The following ZNG1A variants were observed in gnomAD, a reference collection of about 807,000 sequenced individuals.
ZNG1A encodes the protein zinc-regulated GTPase metalloprotein activator 1A.
the ZNG1A span, among the ~76,000 whole-genome samples, chr9:145,490 T>G: frequency 7.2e-6 from 1 of 138,938 alleles, no homozygotes; most frequent in Non-Finnish European, 1.5e-5. Flanking sequence ...TAGGTGGGAA[T>G]TGAACAATGA....
chr9:151,368 T>G, the ZNG1A span: 5 of 979,138 alleles, frequency 5.1e-6, no homozygotes, highest in African/African-American at 1.9e-5. Context: ...GGAACTAGAC[T>G]GCCAGCTGTG....
the ZNG1A span, among the ~76,000 whole-genome samples, chr9:139,816 G>A: frequency 2.0e-5 from 3 of 151,588 alleles, no homozygotes; most frequent in African/African-American, 4.9e-5. Flanking sequence ...CACCATCCGC[G>A]AGCCGAAGCA....
At chr9:149,656 T>A in the ZNG1A span, among the ~76,000 whole-genome samples, 6 of 150,364 alleles carry the variant, frequency 4.0e-5, no homozygotes, top group African/African-American at 1.5e-4. Flanking sequence ...ACTGATCTCC[T>A]TAAAGGCAGA....
chr9:145,793 A>G, the ZNG1A span, among the ~76,000 whole-genome samples: 12 of 152,034 alleles, frequency 7.9e-5, no homozygotes, highest in Non-Finnish European at 1.3e-4. Context: ...CTAAGCTAAA[A>G]TTTTCTATGT....
chr9:177,865 C>T, the ZNG1A span: 2 of 1,407,754 alleles, frequency 1.4e-6, no homozygotes, highest in African/African-American at 3.0e-5. Flanking sequence ...AAATTACTTC[C>T]GAGCAAAAAA....
chr9:140,675 A>G, the ZNG1A span, among the ~76,000 whole-genome samples: 1 of 152,122 alleles, frequency 6.6e-6, no homozygotes, highest in Non-Finnish European at 1.5e-5. Flanking sequence ...CCAGCAACGG[A>G]ACAAAGCTGG....
the ZNG1A span, among the ~76,000 whole-genome samples, chr9:140,717 A>G: frequency 6.6e-6 from 1 of 152,134 alleles, no homozygotes; most frequent in Non-Finnish European, 1.5e-5. Context: ...CTGAGAGAAG[A>G]AGGCTTCAGA....
chr9:171,694 T>C, the ZNG1A span: 1 of 261,986 alleles, frequency 3.8e-6, no homozygotes, highest in Non-Finnish European at 7.4e-6. Flanking sequence ...TGTAAGGGAC[T>C]TGAACATTAA....
At chr9:177,587 A>G in the ZNG1A span, 2 of 1,510,360 alleles carry the variant, frequency 1.3e-6, no homozygotes, top group Non-Finnish European at 1.8e-6. Context: ...AGTAGAAGCC[A>G]AAAGAACAGC....
the ZNG1A span, chr9:151,249 A>G: frequency 1.0e-6 from 1 of 982,302 alleles, no homozygotes; most frequent in Non-Finnish European, 1.2e-6. Flanking sequence ...ACTGCCTAAC[A>G]CTTATGGCAG....
At chr9:168,542 G>A in the ZNG1A span, among the ~76,000 whole-genome samples, 11 of 150,480 alleles carry the variant, frequency 7.3e-5, no homozygotes, top group African/African-American at 9.9e-5. Context: ...ATGAGCCACC[G>A]AGCCCGGCCA....
chr9:161,440 C>A, the ZNG1A span: 6 of 485,606 alleles, frequency 1.2e-5, no homozygotes, highest in Non-Finnish European at 2.0e-5. Context: ...TGCACTCCAG[C>A]CTGGGCAACA....
At chr9:152,369 A>G in the ZNG1A span, among the ~76,000 whole-genome samples, 14 of 152,354 alleles carry the variant, frequency 9.2e-5, 1 homozygote, top group Admixed American at 2.6e-4. Flanking sequence ...AAGACACTTC[A>G]CTTTAGAAAA....
the ZNG1A span, among the ~76,000 whole-genome samples, chr9:132,343 C>CT: frequency 7.9e-6 from 1 of 127,084 alleles, no homozygotes; most frequent in Admixed American, 8.3e-5. Context: ...GGTGAAACCC[C>CT]ATCTCTACTA....
the ZNG1A span, chr9:167,021 A>G: frequency 1.3e-5 from 2 of 152,106 alleles, no homozygotes; most frequent in East Asian, 1.9e-4. Flanking sequence ...AAAAATGATT[A>G]TAAGTGACAC....
chr9:162,643 G>C, the ZNG1A span, among the ~76,000 whole-genome samples: 14 of 149,850 alleles, frequency 9.3e-5, no homozygotes, highest in East Asian at 2.7e-3. Flanking sequence ...TTAAATTCCA[G>C]TAATAAGTCA....
the ZNG1A span, chr9:147,305 C>A: frequency 8.0e-6 from 1 of 125,468 alleles, no homozygotes; most frequent in Non-Finnish European, 1.6e-5. Flanking sequence ...GCTTGCCAAA[C>A]ATTTGTTAAA....
chr9:145,895 A>C, the ZNG1A span, among the ~76,000 whole-genome samples: 1 of 151,604 alleles, frequency 6.6e-6, no homozygotes, highest in East Asian at 1.9e-4. Flanking sequence ...TATCATTTAC[A>C]CTATAATTTC....
the ZNG1A span, among the ~76,000 whole-genome samples, chr9:144,743 A>G: frequency 1.3e-5 from 2 of 151,520 alleles, no homozygotes; most frequent in Non-Finnish European, 2.9e-5. Flanking sequence ...AGAAACTACC[A>G]TCAGAGTGAA....
Sources: gnomAD v4.1 joint callset for allele counts (sites outside exome capture counted in the v4.1 genomes callset) on GRCh38, gnomAD v4.1.1 for gene constraint, MANE v1.5 for transcripts, NCBI Gene and HGNC (gene_info 2026-07-23, HGNC 2026-07-21) for gene names.